TAFA2: variants seen among roughly 807,000 people sequenced by gnomAD.
TAFA2 encodes the protein chemokine-like protein TAFA-2.
Under a neutral mutation model 18.8 loss-of-function variants are expected in TAFA2, and 7 were observed. The ratio of observed to expected loss-of-function variants is 0.37; its 90% CI spans 0.21 to 0.70. The LOEUF (loss-of-function observed/expected upper bound fraction) is 0.70. TAFA2 is among the 30% of genes least tolerant of loss of function. The pLI is 0.53. For synonymous variants in TAFA2, 60 were observed against 54.2 expected (o/e 1.11, Z -0.47); for missense variants, 122 against 158.1 (o/e 0.77, Z 1.23).
At chr12:61,856,631 C>T (rs1873896174) in intron 2 of TAFA2, among the ~76,000 whole-genome samples, 1 of 151,854 alleles carries the variant, frequency 6.6e-6, no homozygotes, top group Non-Finnish European at 1.5e-5. Flanking sequence ...TGAATCTAGT[C>T]TAGATCATTT....
intron 1 of TAFA2, among the ~76,000 whole-genome samples, chr12:61,884,056 T>C (rs1211634016): frequency 6.6e-6 from 1 of 152,154 alleles, no homozygotes; most frequent in Non-Finnish European, 1.5e-5. Context: ...GATTTTAATA[T>C]AGAGAGATAT....
intron 4 of TAFA2, among the ~76,000 whole-genome samples, chr12:61,738,346 C>G (rs1312954472): frequency 7.1e-6 from 1 of 140,312 alleles, no homozygotes; most frequent in Non-Finnish European, 1.5e-5. Flanking sequence ...GCTCATAAAC[C>G]CAGGCTAATA....
chr12:61,713,362 A>C (rs921398744), intron 4 of TAFA2, among the ~76,000 whole-genome samples: 3 of 151,940 alleles, frequency 2.0e-5, no homozygotes, highest in Non-Finnish European at 4.4e-5. Context: ...CTCTGAGCCT[A>C]CTCTTGCTTG....
chr12:61,972,471 C>A (rs1161997967), intron 1 of TAFA2, among the ~76,000 whole-genome samples: 1 of 151,530 alleles, frequency 6.6e-6, no homozygotes, highest in Non-Finnish European at 1.5e-5. Flanking sequence ...GCCCTAAGGC[C>A]TTGCATTAAA....
chr12:61,844,222 G>T (rs1565653647), intron 2 of TAFA2, among the ~76,000 whole-genome samples: 1 of 152,062 alleles, frequency 6.6e-6, no homozygotes, highest in South Asian at 2.1e-4. Flanking sequence ...TCAGCCTTGA[G>T]CTTAAGACTT....
chr12:61,720,186 G>A (rs1869837026), intron 4 of TAFA2, among the ~76,000 whole-genome samples: 1 of 152,074 alleles, frequency 6.6e-6, no homozygotes, highest in Admixed American at 6.6e-5. Context: ...ATGCAGGTAT[G>A]AAATAATATT....
intron 1 of TAFA2, among the ~76,000 whole-genome samples, chr12:62,113,715 A>T (rs1869836295): frequency 6.6e-6 from 1 of 152,198 alleles, no homozygotes. Context: ...ATAGAGAGGC[A>T]GTCTGGCTAC....
chr12:62,145,336 A>G (rs939709026), intron 1 of TAFA2, among the ~76,000 whole-genome samples: 2 of 152,234 alleles, frequency 1.3e-5, no homozygotes, highest in African/African-American at 4.8e-5. Flanking sequence ...CGTAGGAGCC[A>G]GAACCCTACT....
intron 1 of TAFA2, among the ~76,000 whole-genome samples, chr12:62,203,300 T>C (rs1043953462): frequency 3.3e-5 from 5 of 152,254 alleles, no homozygotes; most frequent in African/African-American, 1.2e-4. Context: ...GCGCCAAGAA[T>C]AACGTATATT....
chr12:62,141,384 G>A (rs910569805), intron 1 of TAFA2, among the ~76,000 whole-genome samples: 4 of 152,084 alleles, frequency 2.6e-5, no homozygotes, highest in Admixed American at 1.3e-4. Context: ...TGCTTGCCTC[G>A]AAGGTTCCAG....
intron 1 of TAFA2, among the ~76,000 whole-genome samples, chr12:61,895,565 G>C (rs1239749398): frequency 1.3e-5 from 2 of 152,172 alleles, no homozygotes; most frequent in Admixed American, 6.6e-5. Flanking sequence ...AAGAGTTGGA[G>C]AGAACAGTTC....
At chr12:61,816,707 C>CG (rs1360224687) in intron 2 of TAFA2, among the ~76,000 whole-genome samples, 1 of 151,132 alleles carries the variant, frequency 6.6e-6, no homozygotes, top group East Asian at 1.9e-4. Context: ...CAGAAATTGA[C>CG]AAGATGTATT....
Position 61,715,595 on chromosome 12 carries a change from G to A in TAFA2, c.385-5178C>T, listed in dbSNP as rs139799573. 9.7e-3 allele frequency among the ~76,000 whole-genome samples: 1,469 copies of A among 151,528 alleles called. 22 individuals are homozygous for A. Among genetic ancestry groups the A allele is most frequent in the African/African-American group, 0.031 (1,284 of 41,296 alleles). On this transcript the variant is annotated intron_variant, in intron 4 of 4. Transcript: ENST00000416284. ...TCTCAATCTCTCGACCTCGTTATCC[G>A]CCCACCTCGGCTTCCCAAAGTGCTA...
intron 2 of TAFA2, among the ~76,000 whole-genome samples, chr12:61,755,725 G>A (rs923597246): frequency 6.6e-6 from 1 of 152,038 alleles, no homozygotes; most frequent in Admixed American, 6.6e-5. Context: ...CCAATAAGCT[G>A]TCAGGCTTCC....
chr12:61,907,258 A>G (rs530151694), intron 1 of TAFA2, among the ~76,000 whole-genome samples: 27 of 152,268 alleles, frequency 1.8e-4, no homozygotes, highest in Admixed American at 3.3e-4. Context: ...CTGGGAGAAA[A>G]AGATAATTCT....
intron 1 of TAFA2, among the ~76,000 whole-genome samples, chr12:61,870,292 C>T (rs1874542990): frequency 3.3e-5 from 5 of 152,180 alleles, no homozygotes; most frequent in Admixed American, 3.3e-4. Flanking sequence ...ATACAGACCA[C>T]CAAACTTTCT....
chr12:61,905,720 C>A (rs1876320762), intron 1 of TAFA2, among the ~76,000 whole-genome samples: 1 of 152,200 alleles, frequency 6.6e-6, no homozygotes, highest in African/African-American at 2.4e-5. Flanking sequence ...CTCTTGTCCT[C>A]CTCATGTATG....
chr12:61,958,357 C>CT (rs1878769776), intron 1 of TAFA2, among the ~76,000 whole-genome samples: 2 of 151,874 alleles, frequency 1.3e-5, no homozygotes, highest in Non-Finnish European at 1.5e-5. Flanking sequence ...TACGTATATG[C>CT]TTTTTTTATT....
intron 1 of TAFA2, among the ~76,000 whole-genome samples, chr12:61,928,539 GA>G (rs1254313717): frequency 2.0e-5 from 3 of 152,112 alleles, no homozygotes; most frequent in Non-Finnish European, 4.4e-5. Context: ...AGGATATGGA[GA>G]AATAAGAATG....
Sources: gnomAD v4.1 joint callset for allele counts (sites outside exome capture counted in the v4.1 genomes callset) on GRCh38, gnomAD v4.1.1 for gene constraint, MANE v1.5 for transcripts, NCBI Gene and HGNC (gene_info 2026-07-23, HGNC 2026-07-21) for gene names.